The following P4HA1 variants were observed in gnomAD, a reference collection of about 807,000 sequenced individuals.
P4HA1 encodes the protein prolyl 4-hydroxylase subunit alpha 1, also known as prolyl 4-hydroxylase subunit alpha-1.
In P4HA1, 24 loss-of-function variants were observed where a neutral mutation model predicts 72.8. The ratio of observed to expected loss-of-function variants is 0.33; its 90% CI spans 0.24 to 0.46. P4HA1 has a LOEUF of 0.46. Ranked by LOEUF, P4HA1 falls within the 20% of genes least tolerant of loss-of-function variation. The probability of loss-of-function intolerance (pLI) is 1.00; values close to 1 mark genes in which losing one functional copy is unlikely to be tolerated. For missense variants in P4HA1, 446 were observed against 640.6 expected (o/e 0.70, Z 3.28); for synonymous variants, 201 against 218.8 (o/e 0.92, Z 0.72).
chr10:73,093,858 A>T (rs867897980), intron 1 of P4HA1, among the ~76,000 whole-genome samples: 7 of 65,698 alleles, frequency 1.1e-4, no homozygotes, highest in African/African-American at 5.6e-4. Flanking sequence ...AAAAAAAAAA[A>T]AAAAAAAAAA....
At chr10:73,015,386 T>C (rs1839990009) in intron 11 of P4HA1, among the ~76,000 whole-genome samples, 1 of 152,150 alleles carries the variant, frequency 6.6e-6, no homozygotes, top group Non-Finnish European at 1.5e-5. Flanking sequence ...TAACATGGAA[T>C]ACAGGTTGAG....
In P4HA1 at chr10:73,047,078, G is replaced by C. The variant is rs773116656; in HGVS notation, c.924C>G (p.Leu308=). 1.2e-6 allele frequency: 2 copies of C among 1,613,388 alleles called. No homozygotes were observed. Among genetic ancestry groups the C allele is most frequent in the Non-Finnish European group, 1.7e-6 (2 of 1,179,438 alleles). ...IKMTPRRQKK[L]FCRYHDGNRN... ...GGTTTCCATCATGGTAGCGGCAAAA[G>C]AGTTTTTTCTGTCTCCGAGGGGTCT... Residue 308 remains leucine (L), a synonymous_variant, in exon 8 of 15, where the codon CTC becomes CTG. Transcript: ENST00000394890.
Position 73,007,761 on chromosome 10 carries a change from C to T in P4HA1, c.*461G>A, listed in dbSNP as rs1409388891. ...CAATCACATGGAACCCAGTTAGTGT[C>T]CTAGTTTATTACTAGTCTTCAGATC... On this transcript the variant is annotated 3_prime_UTR_variant, in exon 15 of 15. Transcript: ENST00000394890. 1.3e-5 allele frequency: 2 copies of T among 153,048 alleles called. No individual in the cohort carries two copies. Among genetic ancestry groups the T allele is most frequent in the Non-Finnish European group, 2.9e-5 (2 of 68,650 alleles). The allele number at this position is 153,048 out of a possible 1,614,324, so 9.5% of individuals were successfully genotyped here.
intron 1 of P4HA1, among the ~76,000 whole-genome samples, chr10:73,091,060 C>CA (rs202009101): frequency 0.043 from 2,086 of 48,796 alleles, 160 homozygotes; most frequent in Non-Finnish European, 0.057. Context: ...GAGTCCATCT[C>CA]AAAAAAAAAA....
chr10:73,018,226 T>C (rs942701357), intron 10 of P4HA1, among the ~76,000 whole-genome samples: 2 of 151,932 alleles, frequency 1.3e-5, no homozygotes, highest in African/African-American at 4.8e-5. Flanking sequence ...CCATGAGATG[T>C]CTGGGCCACC....
intron 5 of P4HA1, among the ~76,000 whole-genome samples, chr10:73,066,543 G>T (rs920465720): frequency 5.9e-5 from 9 of 151,970 alleles, no homozygotes; most frequent in African/African-American, 2.2e-4. Context: ...TTGAGATAGG[G>T]GTCTCACTCT....
At chr10:73,025,575 C>G (rs1054725199) in intron 10 of P4HA1, among the ~76,000 whole-genome samples, 1 of 152,050 alleles carries the variant, frequency 6.6e-6, no homozygotes, top group Non-Finnish European at 1.5e-5. Flanking sequence ...CCCTCCCTCA[C>G]CACTCCTATT....
chr10:73,024,034 A>T (rs1245540484), intron 10 of P4HA1, among the ~76,000 whole-genome samples: 7 of 152,160 alleles, frequency 4.6e-5, no homozygotes, highest in South Asian at 4.1e-4. Flanking sequence ...CTCACACAAT[A>T]ATAATGAGAG....
At chr10:73,068,822 T>C (rs756098806) in intron 5 of P4HA1, 24 bp downstream of exon 5, 3 of 1,595,292 alleles carry the variant, frequency 1.9e-6, no homozygotes, top group East Asian at 4.5e-5. Context: ...ATAGGTATTT[T>C]ATAGAATGGA....
At chr10:73,016,335 G>C (rs1047787484) in intron 11 of P4HA1, among the ~76,000 whole-genome samples, 5 of 152,030 alleles carry the variant, frequency 3.3e-5, no homozygotes, top group Admixed American at 6.5e-5. Flanking sequence ...ACTTTTCCTT[G>C]TTGTATTTGG....
At chr10:73,042,647 CTTT>C (rs765489216) in intron 9 of P4HA1, among the ~76,000 whole-genome samples, 2 of 146,358 alleles carry the variant, frequency 1.4e-5, no homozygotes, top group African/African-American at 2.5e-5. Flanking sequence ...CATTTTACAT[CTTT>C]TTTTTTTTTC....
chr10:73,094,875 A>T (rs1022615789), intron 1 of P4HA1, among the ~76,000 whole-genome samples: 2 of 152,208 alleles, frequency 1.3e-5, no homozygotes, highest in Non-Finnish European at 2.9e-5. Flanking sequence ...ACATTTTTCA[A>T]CTGTTTTACC....
intron 1 of P4HA1, among the ~76,000 whole-genome samples, chr10:73,095,411 G>A (rs1219074287): frequency 6.6e-6 from 1 of 150,550 alleles, no homozygotes; most frequent in Non-Finnish European, 1.5e-5. Flanking sequence ...AACTTCCAAC[G>A]TTCCTGCTAT....
chr10:73,009,070 A>G (rs1370082775), intron 14 of P4HA1, among the ~76,000 whole-genome samples: 2 of 152,056 alleles, frequency 1.3e-5, no homozygotes, highest in East Asian at 1.9e-4. Flanking sequence ...TCTCTCACCA[A>G]CTAGCCTCTC....
intron 10 of P4HA1, among the ~76,000 whole-genome samples, chr10:73,019,568 A>G (rs1039463845): frequency 6.6e-6 from 1 of 151,988 alleles, no homozygotes; most frequent in Non-Finnish European, 1.5e-5. Flanking sequence ...ACAAAGAAAG[A>G]TATCATAAAA....
At chr10:73,080,769 A>G (rs1841804494) in intron 1 of P4HA1, among the ~76,000 whole-genome samples, 1 of 152,156 alleles carries the variant, frequency 6.6e-6, no homozygotes, top group African/African-American at 2.4e-5. Context: ...TCTACTAAAA[A>G]TACAAAAAAT....
intron 7 of P4HA1, among the ~76,000 whole-genome samples, chr10:73,049,638 A>G (rs1840965929): frequency 6.6e-6 from 1 of 152,200 alleles, no homozygotes; most frequent in Non-Finnish European, 1.5e-5. Context: ...TGGAATTCTG[A>G]GTTATAAATA....
At chr10:73,062,048 C>G (rs1166713785) in intron 5 of P4HA1, among the ~76,000 whole-genome samples, 2 of 152,032 alleles carry the variant, frequency 1.3e-5, no homozygotes, top group African/African-American at 4.8e-5. Context: ...AAGACCTGAT[C>G]AGTTAGATAT....
Position 73,059,048 on chromosome 10 carries a change from G to A in P4HA1, c.464-5458C>T, listed in dbSNP as rs368138490. On this transcript the variant is annotated intron_variant, in intron 5 of 14. Coordinates refer to ENST00000394890, the MANE Select transcript of P4HA1 (RefSeq NM_001017962.3). ...CCACCTTGGCCTCTCAGAGTGCTGG[G>A]ATTACAGGTGTGAGCCACCACGCCC... is the stretch of plus-strand genomic sequence containing the variant. Among the ~76,000 whole-genome samples, 4 of 152,096 alleles carry A rather than the reference G, an allele frequency of 2.6e-5. No homozygotes were observed. The East Asian group carries it at 5.8e-4, about 22-fold the overall frequency.
Sources: gnomAD v4.1 joint callset for allele counts (sites outside exome capture counted in the v4.1 genomes callset) on GRCh38, gnomAD v4.1.1 for gene constraint, MANE v1.5 for transcripts, NCBI Gene and HGNC (gene_info 2026-07-23, HGNC 2026-07-21) for gene names.